Variants in NLGN1 observed in about 807,000 individuals in gnomAD.
The protein encoded by NLGN1 is neuroligin-1.
In NLGN1, 12 loss-of-function variants were observed where a neutral mutation model predicts 65.5. The ratio of observed to expected loss-of-function variants is 0.18; its 90% CI spans 0.12 to 0.30. NLGN1 has a LOEUF of 0.30. NLGN1 is among the 10% of genes least tolerant of loss of function. NLGN1 has a pLI of 1.00. For missense variants in NLGN1, 750 were observed against 1,007.1 expected, an observed-to-expected ratio of 0.74 and a Z score of 3.46; for synonymous variants, 350 against 359.5, an observed-to-expected ratio of 0.97 and a Z score of 0.30.
chr3:173,571,448 G>A (rs1275288802), intron 2 of NLGN1, among the ~76,000 whole-genome samples: 1 of 152,064 alleles, frequency 6.6e-6, no homozygotes, highest in Admixed American at 6.5e-5. Context: ...TTTAATGGAG[G>A]TGTCACACTT....
At chr3:173,843,869 AC>A (rs1340974157) in intron 4 of NLGN1, among the ~76,000 whole-genome samples, 2 of 151,988 alleles carry the variant, frequency 1.3e-5, no homozygotes, top group Non-Finnish European at 2.9e-5. Flanking sequence ...TCTCAGCAAC[AC>A]CCCACTCTAC....
intron 4 of NLGN1, among the ~76,000 whole-genome samples, chr3:174,270,120 C>CCTTT (rs1229080309): frequency 5.3e-4 from 50 of 94,186 alleles, no homozygotes; most frequent in Non-Finnish European, 6.0e-4. Flanking sequence ...CTGTTGGTTT[C>CCTTT]CTTTCTTTTT....
intron 3 of NLGN1, among the ~76,000 whole-genome samples, chr3:173,749,103 G>A (rs1209307356): frequency 6.6e-6 from 1 of 151,986 alleles, no homozygotes; most frequent in Admixed American, 6.6e-5. Context: ...AAAATATAAG[G>A]CAGAGAACCC....
chr3:174,208,638 C>T (rs1735859062), intron 4 of NLGN1, among the ~76,000 whole-genome samples: 2 of 144,138 alleles, frequency 1.4e-5, no homozygotes, highest in South Asian at 2.2e-4. Context: ...AGAGGTACAA[C>T]TATTGCAAGA....
chr3:173,672,001 C>T (rs1405318990), intron 3 of NLGN1, among the ~76,000 whole-genome samples: 2 of 150,988 alleles, frequency 1.3e-5, no homozygotes, highest in South Asian at 2.1e-4. Flanking sequence ...GGTGAAACCC[C>T]GTCTCTACTA....
chr3:173,631,203 G>A (rs1283713986), intron 3 of NLGN1, among the ~76,000 whole-genome samples: 1 of 152,104 alleles, frequency 6.6e-6, no homozygotes, highest in Non-Finnish European at 1.5e-5. Context: ...TGCTGAGTAA[G>A]GAATACTCTG....
Position 173,775,322 on chromosome 3 carries a change from A to G in NLGN1, c.494-32358A>G, listed in dbSNP as rs561461180. 1.2e-3 allele frequency among the ~76,000 whole-genome samples: 187 copies of G among 152,272 alleles called. 1 individual carries two copies. The Middle Eastern group carries it at 0.02, about 17-fold the overall frequency. On this transcript the variant is annotated intron_variant, in intron 3 of 6. Coordinates refer to ENST00000457714, the Ensembl canonical transcript of NLGN1. The stretch of plus-strand genomic sequence containing the variant: ...TCATTACTCTTACGTGTTTTAAAAT[A>G]TATGCATCTTCCTGTGTGCTCTTTG...
intron 2 of NLGN1, among the ~76,000 whole-genome samples, chr3:173,449,159 T>C (rs1401923805): frequency 6.6e-6 from 1 of 152,102 alleles, no homozygotes; most frequent in Admixed American, 6.5e-5. Context: ...GATGTTAGGG[T>C]GTCAATTTTA....
At chr3:173,494,162 CG>C (rs200145915) in intron 2 of NLGN1, among the ~76,000 whole-genome samples, 8,249 of 147,456 alleles carry the variant, frequency 0.056, 295 homozygotes, top group South Asian at 0.13. Context: ...CGTGCATGTG[CG>C]GGGAGTGGTG....
chr3:173,799,232 A>G (rs1209173082), intron 3 of NLGN1, among the ~76,000 whole-genome samples: 1 of 151,704 alleles, frequency 6.6e-6, no homozygotes, highest in Non-Finnish European at 1.5e-5. Context: ...TGCTTTTTGC[A>G]TGAGGATTAT....
chr3:173,450,682 G>A (rs371243866), intron 2 of NLGN1, among the ~76,000 whole-genome samples: 6 of 152,230 alleles, frequency 3.9e-5, no homozygotes, highest in East Asian at 3.9e-4. Flanking sequence ...CATTCTCCCC[G>A]TCACTTTCAG....
chr3:173,759,165 T>TAC (rs200275897), intron 3 of NLGN1, among the ~76,000 whole-genome samples: 17 of 151,846 alleles, frequency 1.1e-4, no homozygotes, highest in Non-Finnish European at 1.0e-4. Context: ...TGTAATTAAA[T>TAC]ACACACACAC....
chr3:174,145,342 T>C (rs1226606084), intron 4 of NLGN1, among the ~76,000 whole-genome samples: 1 of 151,770 alleles, frequency 6.6e-6, no homozygotes, highest in Non-Finnish European at 1.5e-5. Flanking sequence ...ATGAAAACCC[T>C]TCTCTACTAA....
intron 4 of NLGN1, among the ~76,000 whole-genome samples, chr3:174,124,719 T>C (rs1188683816): frequency 6.7e-6 from 1 of 149,692 alleles, no homozygotes; most frequent in Non-Finnish European, 1.5e-5. Context: ...TATATATTTA[T>C]ACGTATATGT....
intron 4 of NLGN1, among the ~76,000 whole-genome samples, chr3:173,887,496 T>A (rs1486092611): frequency 2.0e-5 from 3 of 152,004 alleles, no homozygotes; most frequent in Admixed American, 2.0e-4. Flanking sequence ...GAAGAGGTCT[T>A]GGAAAATGTT....
intron 4 of NLGN1, among the ~76,000 whole-genome samples, chr3:174,182,966 C>T (rs1730721428): frequency 6.6e-6 from 1 of 152,184 alleles, no homozygotes. Flanking sequence ...CACTCTTAGG[C>T]TTAAAGTTCT....
chr3:173,662,322 T>C (rs890296499), intron 3 of NLGN1, among the ~76,000 whole-genome samples: 1 of 152,036 alleles, frequency 6.6e-6, no homozygotes, highest in African/African-American at 2.4e-5. Context: ...GACATAGTTC[T>C]GCTACATTTA....
chr3:174,094,363 C>A lies in NLGN1; in HGVS notation c.647-180952C>A, dbSNP rs1395602470. 3.3e-5 allele frequency among the ~76,000 whole-genome samples: 5 copies of A among 151,962 alleles called. No homozygotes were observed. In the East Asian group the frequency reaches 7.7e-4, roughly 24 times the overall value. On this transcript the variant is annotated intron_variant, in intron 4 of 6. Transcript: ENST00000457714. ...TAGAGACTTGTAGCTATAGAGCGAGCTTGTCCAACCCATGGCCTGGTGGGC... is the reference window on the plus strand; with the variant it reads ...TAGAGACTTGTAGCTATAGAGCGAGATTGTCCAACCCATGGCCTGGTGGGC...
intron 4 of NLGN1, among the ~76,000 whole-genome samples, chr3:173,888,746 T>C (rs185672826): frequency 6.7e-6 from 1 of 148,750 alleles, no homozygotes; most frequent in African/African-American, 2.6e-5. Flanking sequence ...CCTAACATTA[T>C]GTATTTACAT....
Sources: allele counts gnomAD v4.1 joint callset (sites outside exome capture counted in the v4.1 genomes callset), GRCh38; gene constraint gnomAD v4.1.1; transcripts MANE v1.5; gene names NCBI Gene and HGNC (gene_info 2026-07-23, HGNC 2026-07-21).